The following MALRD1 variants were observed in gnomAD, a reference collection of about 807,000 sequenced individuals.
MALRD1 encodes the protein MAM and LDL-receptor class A domain-containing protein 1.
MALRD1 carries 247 observed loss-of-function variants against 242.1 expected under a neutral mutation model. That is an observed-to-expected ratio of 1.02 (90% CI 0.92 to 1.13). The LOEUF (loss-of-function observed/expected upper bound fraction) is 1.13. Among genes scored for constraint, MALRD1 ranks in the 50% most tolerant of loss-of-function variants. The pLI is 0.00. For synonymous variants in MALRD1, 995 were observed against 866.6 expected (o/e 1.15, Z -2.60); for missense variants, 2,989 against 2,533.1 (o/e 1.18, Z -3.86).
chr10:19,139,343 T>C (rs1833461555), intron 10 of MALRD1, among the ~76,000 whole-genome samples: 1 of 152,232 alleles, frequency 6.6e-6, no homozygotes, highest in South Asian at 2.1e-4. Context: ...TATGAAAACA[T>C]TTGTATCTTA....
At chr10:19,571,584 G>A (rs1370314812) in intron 33 of MALRD1, among the ~76,000 whole-genome samples, 2 of 152,140 alleles carry the variant, frequency 1.3e-5, no homozygotes, top group Admixed American at 6.6e-5. Context: ...TACAGAATAT[G>A]TTGCAGTTTT....
chr10:19,105,111 T>A (rs1836418135), intron 5 of MALRD1, among the ~76,000 whole-genome samples: 2 of 152,014 alleles, frequency 1.3e-5, no homozygotes, highest in Admixed American at 1.3e-4. Context: ...CAGAATTTAT[T>A]CCTCCAATCT....
intron 1 of MALRD1, among the ~76,000 whole-genome samples, chr10:19,060,331 G>C (rs1834786624): frequency 6.6e-6 from 1 of 152,206 alleles, no homozygotes. Context: ...GCAGGTTTGA[G>C]CTCAGCTTCC....
At position 19,447,495 on chromosome 10, in the gene MALRD1, T is replaced by C. The variant is rs542011964; in HGVS notation, c.4846-2812T>C. Among the ~76,000 whole-genome samples, 6 of 152,348 alleles carry C rather than the reference T, an allele frequency of 3.9e-5. No individual in the cohort carries two copies. The South Asian group carries it at 1.2e-3, about 32-fold the overall frequency. On this transcript the variant is annotated intron_variant, in intron 28 of 39. Transcript: ENST00000454679. Reference sequence around the variant, plus strand: ...GACAGTGAATGCATTATTTGTCTCTTTTTTTACTAGAAGACAAGTTGTAAG... The same window carrying C: ...GACAGTGAATGCATTATTTGTCTCTCTTTTTACTAGAAGACAAGTTGTAAG...
intron 35 of MALRD1, among the ~76,000 whole-genome samples, chr10:19,614,467 G>C (rs1025083807): frequency 1.3e-5 from 2 of 151,988 alleles, no homozygotes; most frequent in African/African-American, 4.8e-5. Flanking sequence ...CTGCAAGAAA[G>C]GTGTTGAATT....
chr10:19,504,404 T>C (rs565154176), intron 31 of MALRD1, among the ~76,000 whole-genome samples: 1 of 152,234 alleles, frequency 6.6e-6, no homozygotes, highest in East Asian at 1.9e-4. Context: ...TGTATCACCC[T>C]GGTCTCTGAT....
intron 32 of MALRD1, among the ~76,000 whole-genome samples, chr10:19,566,211 C>T (rs921244767): frequency 2.6e-5 from 4 of 151,918 alleles, no homozygotes; most frequent in Non-Finnish European, 5.9e-5. Context: ...TCACTGCAAA[C>T]TCCACTTCCC....
chr10:19,574,251 G>A (rs1473183945), intron 33 of MALRD1, among the ~76,000 whole-genome samples: 1 of 152,136 alleles, frequency 6.6e-6, no homozygotes, highest in Non-Finnish European at 1.5e-5. Flanking sequence ...TTATTTAAAG[G>A]CAGAGATCTT....
chr10:19,677,509 G>A (rs1842184367), intron 36 of MALRD1, among the ~76,000 whole-genome samples: 1 of 152,062 alleles, frequency 6.6e-6, no homozygotes, highest in Admixed American at 6.6e-5. Flanking sequence ...TTTTTAATGG[G>A]GTTGTTTGGG....
intron 26 of MALRD1, among the ~76,000 whole-genome samples, chr10:19,356,943 T>A (rs1017759023): frequency 6.6e-6 from 1 of 151,864 alleles, no homozygotes; most frequent in African/African-American, 2.4e-5. Context: ...ACCCCATCTC[T>A]ACTAAAAATA....
chr10:19,241,582 C>T (rs10827129), intron 18 of MALRD1, among the ~76,000 whole-genome samples: 12,813 of 151,738 alleles, frequency 0.084, 715 homozygotes, highest in African/African-American at 0.16. Flanking sequence ...TATTTCCTTC[C>T]TTCTACCAAT....
chr10:19,134,696 G>A (rs1182588446), intron 9 of MALRD1, among the ~76,000 whole-genome samples: 1 of 152,128 alleles, frequency 6.6e-6, no homozygotes, highest in East Asian at 1.9e-4. Flanking sequence ...TTCATAGGCT[G>A]ATATCTGTTT....
chr10:19,586,056 A>T (rs1465212962), intron 33 of MALRD1, among the ~76,000 whole-genome samples: 1 of 151,766 alleles, frequency 6.6e-6, no homozygotes, highest in Non-Finnish European at 1.5e-5. Context: ...GTAGTTTTCG[A>T]GCCTTGGTTT....
intron 28 of MALRD1, among the ~76,000 whole-genome samples, chr10:19,418,728 A>G (rs1301431155): frequency 6.6e-6 from 1 of 152,206 alleles, no homozygotes; most frequent in Non-Finnish European, 1.5e-5. Context: ...TTATCTGCCA[A>G]TGGAAAAAAT....
chr10:19,391,075 C>T (rs1285613511), intron 28 of MALRD1, among the ~76,000 whole-genome samples: 2 of 152,106 alleles, frequency 1.3e-5, no homozygotes, highest in Admixed American at 6.6e-5. Context: ...AATTATGTTA[C>T]AGTAACAAAC....
chr10:19,246,663 T>C (rs1839062414), intron 18 of MALRD1, among the ~76,000 whole-genome samples: 2 of 152,128 alleles, frequency 1.3e-5, no homozygotes, highest in South Asian at 4.1e-4. Context: ...CTGAGGTGAT[T>C]GCTTGAATAT....
chr10:19,662,050 C>T (rs1173503141), intron 36 of MALRD1, among the ~76,000 whole-genome samples: 1 of 151,686 alleles, frequency 6.6e-6, no homozygotes, highest in African/African-American at 2.4e-5. Flanking sequence ...TTTAAATATC[C>T]AAACAAGTAG....
intron 18 of MALRD1, among the ~76,000 whole-genome samples, chr10:19,217,685 C>T (rs866766294): frequency 1.3e-5 from 2 of 152,014 alleles, no homozygotes; most frequent in Non-Finnish European, 2.9e-5. Context: ...CACCATCGTG[C>T]CCAGCTAATT....
intron 31 of MALRD1, among the ~76,000 whole-genome samples, chr10:19,523,044 A>G (rs1833949715): frequency 6.6e-6 from 1 of 152,134 alleles, no homozygotes; most frequent in South Asian, 2.1e-4. Flanking sequence ...AGTAGCACTA[A>G]TTTGCAACTA....
Sources: allele counts gnomAD v4.1 joint callset (sites outside exome capture counted in the v4.1 genomes callset), GRCh38; gene constraint gnomAD v4.1.1; transcripts MANE v1.5; gene names NCBI Gene and HGNC (gene_info 2026-07-23, HGNC 2026-07-21).